The following KCNJ16 variants were observed in gnomAD, a reference collection of about 807,000 sequenced individuals.
KCNJ16 encodes the protein potassium inwardly rectifying channel subfamily J member 16.
In KCNJ16, 15 loss-of-function variants were observed where a neutral mutation model predicts 18.5. The observed-to-expected ratio is 0.81, with a 90% CI of 0.54 to 1.25. The LOEUF (loss-of-function observed/expected upper bound fraction) is 1.25, where lower values mean the gene tolerates loss of function less well. Among genes scored for constraint, KCNJ16 ranks in the 50% most tolerant of loss-of-function variants. KCNJ16 has a pLI of 0.00. For synonymous variants in KCNJ16, 174 were observed against 186.5 expected, an observed-to-expected ratio of 0.93 and a Z score of 0.55; for missense variants, 523 against 525.7, an observed-to-expected ratio of 0.99 and a Z score of 0.05.
chr17:70,132,185 G>A lies in KCNJ16; in HGVS notation c.98G>A (p.Arg33Lys). ...EHIIAEKRRA[R>K]RRLLHKDGSC... ...ATTATAGCTGAGAAGAGAAGAGCAA[G>A]AAGACGATTACTTCACAAAGATGGC... Residue 33 changes from arginine (R) to lysine (K), a missense_variant, in exon 4 of 4, where the codon AGA (arginine) becomes AAA (lysine). Physicochemically the swap from Arg to Lys is conservative, Grantham distance 26. Coordinates refer to ENST00000392671, the MANE Select transcript of KCNJ16 (RefSeq NM_170741.4). 6.2e-7 allele frequency: 1 copy of A among 1,614,238 alleles called. No individual in the cohort carries two copies. The highest frequency in any genetic ancestry group is 1.6e-4 in the Middle Eastern group (1 of 6,062).
chr17:70,092,545 T>C (rs1268660654), intron 1 of KCNJ16, among the ~76,000 whole-genome samples: 2 of 111,032 alleles, frequency 1.8e-5, no homozygotes, highest in African/African-American at 3.8e-5. Flanking sequence ...TAGATATAGA[T>C]AGATATAGAT....
intron 2 of KCNJ16, among the ~76,000 whole-genome samples, chr17:70,113,220 G>A (rs977036974): frequency 1.3e-5 from 2 of 152,172 alleles, no homozygotes; most frequent in African/African-American, 4.8e-5. Flanking sequence ...AAATACCAGG[G>A]AAGCATCTTT....
intron 1 of KCNJ16, among the ~76,000 whole-genome samples, chr17:70,079,807 A>C (rs2071475998): frequency 6.6e-6 from 1 of 152,112 alleles, no homozygotes; most frequent in South Asian, 2.1e-4. Flanking sequence ...GGTTCAAGCA[A>C]TTCTCTTGCC....
At chr17:70,131,050 G>A (rs1314212077) in intron 3 of KCNJ16, 75 bp downstream of exon 3, 4 of 1,333,804 alleles carry the variant, frequency 3.0e-6, no homozygotes, top group Middle Eastern at 1.8e-4. Context: ...GCCTAAGGAT[G>A]TCCGTGAAAG....
intron 2 of KCNJ16, among the ~76,000 whole-genome samples, chr17:70,107,715 T>C (rs1401328334): frequency 6.6e-6 from 1 of 152,170 alleles, no homozygotes; most frequent in Non-Finnish European, 1.5e-5. Flanking sequence ...GACTCAAGTC[T>C]TTTGACTTTA....
chr17:70,132,634 C>A lies in KCNJ16; in HGVS notation c.547C>A (p.Arg183Ser), dbSNP rs769285903. Reference protein sequence around the residue: ...ATARKRAQTIRFSYFALIGMR... With the variant: ...ATARKRAQTISFSYFALIGMR... ...TGCTCGAAAGAGAGCCCAAACCATT[C>A]GTTTCAGCTACTTTGCACTTATAGG... The change falls in exon 4 of 4, where the codon CGT (arginine) becomes AGT (serine). Residue 183 changes from arginine to serine, a missense_variant. By Grantham distance (110) the Arg-to-Ser change is moderately radical. Coordinates refer to ENST00000392671, the MANE Select transcript of KCNJ16 (RefSeq NM_170741.4). The A allele has an allele frequency of 6.2e-7, 1 of 1,614,080 alleles. No homozygotes were observed. The highest frequency in any genetic ancestry group is 1.1e-5 in the South Asian group (1 of 91,082).
intron 3 of KCNJ16, among the ~76,000 whole-genome samples, chr17:70,131,634 T>G (rs1567808665): frequency 6.6e-6 from 1 of 152,256 alleles, no homozygotes; most frequent in Non-Finnish European, 1.5e-5. Context: ...GAATTTTGCC[T>G]TTTCATATTA....
chr17:70,120,173 T>C (rs1259437876), intron 2 of KCNJ16, among the ~76,000 whole-genome samples: 3 of 152,226 alleles, frequency 2.0e-5, no homozygotes, highest in Non-Finnish European at 4.4e-5. Flanking sequence ...ATGAGTCACC[T>C]TTGCTCCAGT....
intron 2 of KCNJ16, among the ~76,000 whole-genome samples, chr17:70,122,977 T>C (rs1598170604): frequency 6.6e-6 from 1 of 152,348 alleles, no homozygotes; most frequent in East Asian, 1.9e-4. Flanking sequence ...TACCTCATTG[T>C]TGAAACAGCT....
chr17:70,097,680 T>C (rs1376706114), intron 1 of KCNJ16, among the ~76,000 whole-genome samples: 1 of 152,172 alleles, frequency 6.6e-6, no homozygotes, highest in African/African-American at 2.4e-5. Context: ...CCACTACCCC[T>C]ATTTAACAGG....
At position 70,132,960 on chromosome 17, in the gene KCNJ16, A is replaced by G. The variant is rs148035314; in HGVS notation, c.873A>G (p.Thr291=). The G allele has an allele frequency of 1.7e-4, 268 of 1,614,086 alleles. No individual in the cohort carries two copies. The highest frequency in any genetic ancestry group is 2.0e-4 in the Non-Finnish European group (236 of 1,180,028). Reference sequence around the variant, plus strand: ...TCTATACTGGTGATTCCACTGGAACATCTCACCAATCTAGAAGCTCCTATG... The same window carrying G: ...TCTATACTGGTGATTCCACTGGAACGTCTCACCAATCTAGAAGCTCCTATG... ...TFIYTGDSTG[T]SHQSRSSYVP... is the part of the protein sequence containing the mutation. The change falls in exon 4 of 4, where the codon ACA becomes ACG. Residue 291 remains threonine, a synonymous_variant. Transcript: ENST00000392671.
chr17:70,080,587 T>C (rs1463578855), intron 1 of KCNJ16, among the ~76,000 whole-genome samples: 2 of 151,796 alleles, frequency 1.3e-5, no homozygotes, highest in Admixed American at 1.3e-4. Flanking sequence ...GTAAGGTTTA[T>C]TTTTTTTAAT....
intron 1 of KCNJ16, among the ~76,000 whole-genome samples, chr17:70,076,637 T>C (rs2071323270): frequency 6.6e-6 from 1 of 152,192 alleles, no homozygotes; most frequent in African/African-American, 2.4e-5. Flanking sequence ...TCTATTTTAA[T>C]GCATTTTTCT....
intron 2 of KCNJ16, among the ~76,000 whole-genome samples, chr17:70,116,537 T>C (rs900832264): frequency 1.3e-5 from 2 of 152,220 alleles, no homozygotes; most frequent in South Asian, 2.1e-4. Flanking sequence ...ATTAAATGTA[T>C]ACATTTGAAT....
chr17:70,082,757 G>T (rs1262396914), intron 1 of KCNJ16, among the ~76,000 whole-genome samples: 3 of 152,152 alleles, frequency 2.0e-5, no homozygotes. Context: ...GAGTGCTTAA[G>T]ATGGTAGTAG....
chr17:70,094,936 T>C (rs890060658), intron 1 of KCNJ16, among the ~76,000 whole-genome samples: 3 of 152,186 alleles, frequency 2.0e-5, no homozygotes, highest in Non-Finnish European at 4.4e-5. Flanking sequence ...TTTGTCACAG[T>C]AGGTTTTATT....
chr17:70,127,730 C>T (rs1291999536), intron 2 of KCNJ16, among the ~76,000 whole-genome samples: 1 of 152,156 alleles, frequency 6.6e-6, no homozygotes, highest in Non-Finnish European at 1.5e-5. Flanking sequence ...ACCCCATCAG[C>T]TCTCAAATTT....
chr17:70,133,070 T>C lies in KCNJ16; in HGVS notation c.983T>C (p.Phe328Ser). ...RKYYKVNCLQFEGSVEVYAPF... is the reference protein window; with the variant it reads ...RKYYKVNCLQSEGSVEVYAPF... ...TATTACAAAGTGAACTGCTTACAGTTTGAAGGAAGTGTGGAAGTATATGCC... is the reference window on the plus strand; with the variant it reads ...TATTACAAAGTGAACTGCTTACAGTCTGAAGGAAGTGTGGAAGTATATGCC... Residue 328 changes from phenylalanine (F) to serine (S), a missense_variant, in exon 4 of 4, where the codon TTT becomes TCT. Coordinates refer to ENST00000392671, the MANE Select transcript of KCNJ16 (RefSeq NM_170741.4). 6.2e-7 allele frequency: 1 copy of C among 1,614,078 alleles called. No individual in the cohort carries two copies. The highest frequency in any genetic ancestry group is 2.2e-5 in the East Asian group (1 of 44,880).
chr17:70,116,201 G>T (rs949338546), intron 2 of KCNJ16, among the ~76,000 whole-genome samples: 1 of 151,972 alleles, frequency 6.6e-6, no homozygotes, highest in Non-Finnish European at 1.5e-5. Flanking sequence ...TATTGTATGA[G>T]AGTTTTTATA....
Sources: gnomAD v4.1 joint callset for allele counts (sites outside exome capture counted in the v4.1 genomes callset) on GRCh38, gnomAD v4.1.1 for gene constraint, MANE v1.5 for transcripts, NCBI Gene and HGNC (gene_info 2026-07-23, HGNC 2026-07-21) for gene names.